RPS27A: variants seen among roughly 807,000 people sequenced by gnomAD.
RPS27A encodes ribosomal protein S27a.
RPS27A carries 1 observed loss-of-function variant against 18.9 expected under a neutral mutation model. The ratio of observed to expected loss-of-function variants is 0.05; its 90% CI spans 0.02 to 0.25. The LOEUF is 0.25. Ranked by LOEUF, RPS27A falls within the 10% of genes least tolerant of loss-of-function variation. The pLI is 1.00. For synonymous variants in RPS27A, 77 were observed against 63.7 expected (o/e 1.21, Z -0.99); for missense variants, 123 against 187.4 (o/e 0.66, Z 2.01).
At chr2:55,233,761 G>C (rs1675634835) in intron 3 of RPS27A, 4 of 467,902 alleles carry the variant, frequency 8.5e-6, no homozygotes, top group South Asian at 8.5e-5. Context: ...CCCTATTAGT[G>C]GGGATTACAG....
chr2:55,232,821 C>T lies in RPS27A; in HGVS notation c.-4C>T, dbSNP rs1317086915. On this transcript the variant is annotated 5_prime_UTR_variant, in exon 2 of 6. Transcript: ENST00000272317. The stretch of plus-strand genomic sequence containing the variant: ...CCTCAACCTCAGGTGGAGCCGCCAC[C>T]AAAATGCAGATTTTCGTGAAAACCC... 1 of 1,612,448 alleles carries T rather than the reference C, an allele frequency of 6.2e-7. No homozygotes were observed. Among genetic ancestry groups the T allele is most frequent in the African/African-American group, 1.3e-5 (1 of 74,920 alleles).
intron 2 of RPS27A, 145 bp from the exon 3 acceptor site, chr2:55,233,218 A>G: frequency 1.3e-6 from 1 of 761,980 alleles, no homozygotes; most frequent in South Asian, 1.5e-5. Context: ...CCGACTTGGG[A>G]GGTTGCCCAC....
upstream of RPS27A, chr2:55,232,675 C>G (rs567640010): frequency 5.3e-6 from 4 of 758,410 alleles, no homozygotes; most frequent in Non-Finnish European, 9.3e-6. Context: ...CGTGGGCCTG[C>G]GCGGCGTTCT....
At chr2:55,233,661 CCT>C (rs1675623581) in intron 3 of RPS27A, 1 of 533,484 alleles carries the variant, frequency 1.9e-6, no homozygotes, top group South Asian at 2.0e-5. Context: ...GATGGAGTCT[CCT>C]CTGTCGCCCA....
chr2:55,233,256 G>A, intron 2 of RPS27A, 107 bp from the exon 3 acceptor site: 1 of 947,678 alleles, frequency 1.1e-6, no homozygotes, highest in Non-Finnish European at 1.7e-6. Context: ...TCTCGAGTAG[G>A]TCTCAGCCCT....
upstream of RPS27A, chr2:55,232,579 G>C: frequency 3.4e-6 from 2 of 584,266 alleles, no homozygotes; most frequent in Non-Finnish European, 6.2e-6. Flanking sequence ...GTCTGGCACC[G>C]GGTTGGATTG....
intron 3 of RPS27A, 74 bp downstream of exon 3, chr2:55,233,491 T>A (rs1675608915): frequency 9.9e-7 from 1 of 1,013,588 alleles, no homozygotes; most frequent in East Asian, 2.4e-5. Context: ...TAGACATACC[T>A]GCTCTTGGTG....
At position 55,235,817 on chromosome 2, in the gene RPS27A, G is replaced by A; in HGVS notation, c.*240G>A. On this transcript the variant is annotated 3_prime_UTR_variant, in exon 6 of 6. Coordinates refer to ENST00000272317, the MANE Select transcript of RPS27A (RefSeq NM_002954.6). ...CAATTCTTAGACTACCTATACTTTG[G>A]CAGAAGTTATATTTAATGTAAGTTG... 3.6e-6 allele frequency: 2 copies of A among 558,840 alleles called. No individual in the cohort carries two copies. Among genetic ancestry groups the A allele is most frequent in the Non-Finnish European group, 6.4e-6 (2 of 312,556 alleles). 34.6% of individuals were successfully genotyped at this position (558,840 alleles called of 1,614,324 possible). A position where few individuals can be genotyped will look rare whatever the true frequency, so the allele number is the denominator to read the frequency against.
At chr2:55,234,499 G>A (rs1675692821) in intron 4 of RPS27A, 6 of 549,892 alleles carry the variant, frequency 1.1e-5, no homozygotes, top group South Asian at 1.0e-4. Context: ...TCCATGTGGT[G>A]TATTCTGGAC....
At chr2:55,234,682 G>GA (rs1235808820) in intron 4 of RPS27A, 149 bp from the exon 5 acceptor site, 5 of 858,976 alleles carry the variant, frequency 5.8e-6, no homozygotes, top group Non-Finnish European at 9.3e-6. Flanking sequence ...TGTCAGTTAA[G>GA]AATCTGATAC....
chr2:55,232,677 C>T (rs1031251521), upstream of RPS27A: 8 of 765,368 alleles, frequency 1.0e-5, no homozygotes, highest in East Asian at 5.4e-5. Flanking sequence ...TGGGCCTGCG[C>T]GGCGTTCTTC....
intron 2 of RPS27A, chr2:55,233,134 G>A: frequency 1.6e-6 from 1 of 637,250 alleles, no homozygotes; most frequent in Non-Finnish European, 2.8e-6. Context: ...CGCTCTGCCC[G>A]CCGGGTGCGA....
At chr2:55,233,498 G>C in intron 3 of RPS27A, 81 bp downstream of exon 3, 1 of 950,350 alleles carries the variant, frequency 1.1e-6, no homozygotes, top group South Asian at 1.3e-5. Context: ...ACCTGCTCTT[G>C]GTGATGGGGG....
intron 2 of RPS27A, 62 bp downstream of exon 2, chr2:55,232,934 G>T (rs1432255193): frequency 2.3e-6 from 3 of 1,324,324 alleles, no homozygotes; most frequent in Non-Finnish European, 3.2e-6. Context: ...TGGATTTTAG[G>T]ACCGGCGCTG....
Position 55,234,220 on chromosome 2 carries a change from G to C in RPS27A, c.189+16G>C. On this transcript the variant is annotated intron_variant, in intron 4 of 5. Transcript: ENST00000272317. ...TATTCAAAAGGTCTGTCTAGGGGAA[G>C]AGCAGCCTCTTTTAAAAAAAAAATG... 6.5e-7 allele frequency: 1 copy of C among 1,531,224 alleles called. No homozygotes were observed. The highest frequency in any genetic ancestry group is 9.1e-7 in the Non-Finnish European group (1 of 1,104,592). The allele number at this position is 1,531,224 out of a possible 1,614,324, so 94.9% of individuals were successfully genotyped here. A position where few individuals can be genotyped will look rare whatever the true frequency, so the allele number is the denominator to read the frequency against.
At chr2:55,232,189 A>G (rs1356358915), upstream of RPS27A, 1 of 161,228 alleles carries the variant, frequency 6.2e-6, no homozygotes, top group Non-Finnish European at 1.4e-5. Context: ...GCCCGTTCCC[A>G]CGCTCCGGAA....
At chr2:55,233,216 G>C in intron 2 of RPS27A, 147 bp from the exon 3 acceptor site, 1 of 760,172 alleles carries the variant, frequency 1.3e-6, no homozygotes, top group East Asian at 2.7e-5. Context: ...AGCCGACTTG[G>C]GAGGTTGCCC....
intron 3 of RPS27A, chr2:55,233,918 C>G (rs1351102122): frequency 1.6e-6 from 1 of 628,392 alleles, no homozygotes; most frequent in African/African-American, 1.8e-5. Context: ...GTGTCAGCCA[C>G]TGCAGACAAC....
intron 2 of RPS27A, 144 bp from the exon 3 acceptor site, chr2:55,233,219 G>C: frequency 2.6e-6 from 2 of 766,704 alleles, no homozygotes; most frequent in Non-Finnish European, 4.6e-6. Flanking sequence ...CGACTTGGGA[G>C]GTTGCCCACT....
Sources: gnomAD v4.1 joint callset for allele counts on GRCh38, gnomAD v4.1.1 for gene constraint, MANE v1.5 for transcripts, NCBI Gene and HGNC (gene_info 2026-07-23, HGNC 2026-07-21) for gene names.